Variants in KCNH7 observed in about 807,000 individuals in gnomAD.
KCNH7 encodes potassium voltage-gated channel subfamily H member 7, also known as voltage-gated inwardly rectifying potassium channel KCNH7.
A neutral mutation model predicts 120.8 loss-of-function variants in KCNH7; 49 were observed. The observed-to-expected ratio is 0.41, with a 90% CI of 0.32 to 0.51. The LOEUF (loss-of-function observed/expected upper bound fraction) is 0.51, where lower values mean the gene tolerates loss of function less well. KCNH7 is among the 20% of genes least tolerant of loss of function. The probability of loss-of-function intolerance (pLI) is 0.38; values close to 1 mark genes in which losing one functional copy is unlikely to be tolerated. For synonymous variants in KCNH7, 547 were observed against 516.1 expected, an observed-to-expected ratio of 1.06 and a Z score of -0.81; for missense variants, 1,097 against 1,446.6, an observed-to-expected ratio of 0.76 and a Z score of 3.92.
chr2:162,462,877 AATT>A (rs1221383863), intron 6 of KCNH7, among the ~76,000 whole-genome samples: 1 of 152,106 alleles, frequency 6.6e-6, no homozygotes, highest in Non-Finnish European at 1.5e-5. Context: ...AAATATACAT[AATT>A]ATTATTTGTG....
At chr2:162,712,864 A>G (rs912769228) in intron 2 of KCNH7, among the ~76,000 whole-genome samples, 2 of 152,232 alleles carry the variant, frequency 1.3e-5, no homozygotes, top group African/African-American at 4.8e-5. Context: ...CTTCATTTAA[A>G]GTAAAGGGAA....
intron 2 of KCNH7, among the ~76,000 whole-genome samples, chr2:162,777,174 A>C (rs1015512399): frequency 6.6e-6 from 1 of 152,166 alleles, no homozygotes; most frequent in Non-Finnish European, 1.5e-5. Context: ...ATAACTCGGT[A>C]TCCATGGAAG....
intron 2 of KCNH7, among the ~76,000 whole-genome samples, chr2:162,802,598 T>C (rs1487122764): frequency 1.3e-5 from 2 of 151,752 alleles, no homozygotes; most frequent in African/African-American, 4.8e-5. Flanking sequence ...AATTTTAATT[T>C]TCTGGTAGCT....
At chr2:162,680,694 G>T (rs966555458) in intron 2 of KCNH7, among the ~76,000 whole-genome samples, 1 of 151,714 alleles carries the variant, frequency 6.6e-6, no homozygotes, top group Non-Finnish European at 1.5e-5. Flanking sequence ...TGGAGTCAGG[G>T]TCTTGGGTTT....
intron 2 of KCNH7, among the ~76,000 whole-genome samples, chr2:162,763,941 G>C (rs1409619663): frequency 6.6e-6 from 1 of 152,014 alleles, no homozygotes; most frequent in Non-Finnish European, 1.5e-5. Context: ...ATTTAATAAA[G>C]ATGCTACAGG....
intron 6 of KCNH7, among the ~76,000 whole-genome samples, chr2:162,461,846 G>T (rs1007203622): frequency 6.6e-6 from 1 of 152,112 alleles, no homozygotes. Flanking sequence ...AGTTGGTCTG[G>T]TTGGAATACC....
At chr2:162,772,589 A>T (rs988690007) in intron 2 of KCNH7, among the ~76,000 whole-genome samples, 1 of 152,144 alleles carries the variant, frequency 6.6e-6, no homozygotes. Flanking sequence ...AAGTCAAGTG[A>T]CCACCAGATC....
chr2:162,407,453 A>G (rs1687262070), intron 9 of KCNH7, among the ~76,000 whole-genome samples: 1 of 152,044 alleles, frequency 6.6e-6, no homozygotes, highest in Non-Finnish European at 1.5e-5. Flanking sequence ...AGTCAGGGCC[A>G]AGGATGGGTA....
At chr2:162,649,952 A>G (rs1287221738) in intron 2 of KCNH7, among the ~76,000 whole-genome samples, 1 of 152,176 alleles carries the variant, frequency 6.6e-6, no homozygotes, top group African/African-American at 2.4e-5. Flanking sequence ...TTGGGCCATT[A>G]GGTAAAGCAA....
chr2:162,513,948 A>T (rs963860908), intron 4 of KCNH7, among the ~76,000 whole-genome samples: 12 of 151,764 alleles, frequency 7.9e-5, no homozygotes, highest in Non-Finnish European at 1.5e-4. Flanking sequence ...GAGATCAGCT[A>T]TCTAAATGTT....
chr2:162,590,977 C>G (rs1347056238), intron 2 of KCNH7, among the ~76,000 whole-genome samples: 1 of 152,086 alleles, frequency 6.6e-6, no homozygotes, highest in African/African-American at 2.4e-5. Context: ...TCTCCTACCA[C>G]TCAGTGTTTC....
chr2:162,828,511 C>A (rs919558192), intron 2 of KCNH7, among the ~76,000 whole-genome samples: 2 of 151,404 alleles, frequency 1.3e-5, no homozygotes, highest in Non-Finnish European at 2.9e-5. Context: ...ATCAATATTT[C>A]AAAAAATGCA....
At chr2:162,488,357 T>C (rs1690174607) in intron 6 of KCNH7, among the ~76,000 whole-genome samples, 1 of 152,154 alleles carries the variant, frequency 6.6e-6, no homozygotes. Context: ...CCCTTAGCTT[T>C]AAAATGTGTG....
At chr2:162,607,220 C>CAAAAAA (rs34786286) in intron 2 of KCNH7, among the ~76,000 whole-genome samples, 2 of 111,944 alleles carry the variant, frequency 1.8e-5, no homozygotes, top group African/African-American at 6.0e-5. Flanking sequence ...ACTAAAAATA[C>CAAAAAA]AAAAAAAAAA....
rs537619273 is a variant in KCNH7, at chr2:162,498,026, A to G, written c.1128+6417T>C. 1.4e-4 allele frequency among the ~76,000 whole-genome samples: 21 copies of G among 152,258 alleles called. No homozygotes were observed. In the East Asian group the frequency reaches 4.1e-3, roughly 29 times the overall value. The stretch of plus-strand genomic sequence containing the variant: ...TAAGTTATTTTGTGATTAAATCTGA[A>G]CTAATTTTCTTGAGTACTTTCCTTA... On this transcript the variant is annotated intron_variant, in intron 6 of 15. Coordinates refer to ENST00000332142, the MANE Select transcript of KCNH7 (RefSeq NM_033272.4).
intron 2 of KCNH7, among the ~76,000 whole-genome samples, chr2:162,657,984 G>A (rs1196950133): frequency 6.6e-6 from 1 of 151,954 alleles, no homozygotes; most frequent in Non-Finnish European, 1.5e-5. Flanking sequence ...GCATCAGGGT[G>A]TGGGGATTTT....
chr2:162,372,012 T>A lies in KCNH7; in HGVS notation c.3408A>T (p.Ser1136=). 6.2e-7 allele frequency: 1 copy of A among 1,613,664 alleles called. No homozygotes were observed. The highest frequency in any genetic ancestry group is 8.5e-7 in the Non-Finnish European group (1 of 1,179,676). ...TTAAAAGTGAAGTCAAGTTGTCTTC[T>A]GAAGCTGTGTTCAGATGCACCCCAC... ...LSSGVHLNTA[S]EDNLTSLLKQ... Residue 1136 remains serine (S), a synonymous_variant, in exon 16 of 16, where the codon TCA becomes TCT. Coordinates refer to ENST00000332142, the MANE Select transcript of KCNH7 (RefSeq NM_033272.4).
At chr2:162,668,063 C>G (rs1013503528) in intron 2 of KCNH7, among the ~76,000 whole-genome samples, 1 of 152,122 alleles carries the variant, frequency 6.6e-6, no homozygotes, top group Non-Finnish European at 1.5e-5. Context: ...GATTAATGTT[C>G]ATGCTTCAAA....
chr2:162,630,480 TG>T, intron 2 of KCNH7, among the ~76,000 whole-genome samples: 1 of 150,942 alleles, frequency 6.6e-6, no homozygotes, highest in East Asian at 2.0e-4. Flanking sequence ...AAAAAAGACA[TG>T]GAAAAAAAAG....
Sources: allele counts gnomAD v4.1 joint callset (sites outside exome capture counted in the v4.1 genomes callset), GRCh38; gene constraint gnomAD v4.1.1; transcripts MANE v1.5; gene names NCBI Gene and HGNC (gene_info 2026-07-23, HGNC 2026-07-21).